ZNF25: variants seen among roughly 807,000 people sequenced by gnomAD.
The protein encoded by ZNF25 is zinc finger protein 25 (KOX 19).
In ZNF25, 21 loss-of-function variants were observed where a neutral mutation model predicts 30.9. The observed-to-expected ratio is 0.68, with a 90% CI of 0.48 to 0.98. ZNF25 has a LOEUF of 0.98. ZNF25 is among the 50% of genes least tolerant of loss of function. ZNF25 has a pLI of 0.00. For missense variants in ZNF25, 501 were observed against 529.9 expected (o/e 0.95, Z 0.54); for synonymous variants, 169 against 181.3 (o/e 0.93, Z 0.55).
Position 37,951,972 on chromosome 10 carries a change from C to A in ZNF25, c.*155G>T. On this transcript the variant is annotated 3_prime_UTR_variant, in exon 6 of 6. Coordinates refer to ENST00000302609, the MANE Select transcript of ZNF25 (RefSeq NM_145011.4). ...TAAAATTTTCTCCCAAATAAATGTA[C>A]AGAATCTCTCTATGTATTTGCTGAT... 1 of 569,704 alleles carries A rather than the reference C, an allele frequency of 1.8e-6. No individual in the cohort carries two copies. The allele number at this position is 569,704 out of a possible 1,614,324, so 35.3% of individuals were successfully genotyped here.
Position 37,952,554 on chromosome 10 carries a change from T to C in ZNF25, c.944A>G (p.Glu315Gly), listed in dbSNP as rs1250764732. ...GAAGCATTTCCTACATTCCTTACATTCATAGGGTTTCTCTCCTGTGTGACT... is the reference window on the plus strand; with the variant it reads ...GAAGCATTTCCTACATTCCTTACATCCATAGGGTTTCTCTCCTGTGTGACT... Reference protein sequence around the residue: ...QRSHTGEKPYECKECRKCFYQ... With the variant: ...QRSHTGEKPYGCKECRKCFYQ... The change falls in exon 6 of 6, where the codon GAA becomes GGA. Residue 315 changes from glutamate to glycine, a missense_variant. By Grantham distance (98) the Glu-to-Gly change is moderately conservative (BLOSUM62 -2). Coordinates refer to ENST00000302609, the MANE Select transcript of ZNF25 (RefSeq NM_145011.4). 6.2e-7 allele frequency: 1 copy of C among 1,613,594 alleles called. No homozygotes were observed. Among genetic ancestry groups the C allele is most frequent in the Admixed American group, 1.7e-5 (1 of 59,944 alleles).
At chr10:37,973,385 G>A (rs1203286315) in intron 1 of ZNF25, among the ~76,000 whole-genome samples, 3 of 151,956 alleles carry the variant, frequency 2.0e-5, no homozygotes, top group African/African-American at 7.3e-5. Context: ...GGAGGTGTAG[G>A]CAGGTGGATC....
intron 4 of ZNF25, among the ~76,000 whole-genome samples, chr10:37,955,365 G>A (rs1195550726): frequency 6.6e-6 from 1 of 152,166 alleles, no homozygotes; most frequent in Non-Finnish European, 1.5e-5. Context: ...TACTGAGTCA[G>A]TATTAAGTAT....
intron 2 of ZNF25, 148 bp downstream of exon 2, chr10:37,971,560 C>T: frequency 7.4e-7 from 1 of 1,347,174 alleles, no homozygotes. Context: ...GGTATTTTGC[C>T]TGTAGGTGAT....
At chr10:37,956,572 C>T (rs960934955) in intron 4 of ZNF25, among the ~76,000 whole-genome samples, 1 of 152,030 alleles carries the variant, frequency 6.6e-6, no homozygotes, top group South Asian at 2.1e-4. Flanking sequence ...TTTTTTTACA[C>T]GTGCAAATAA....
At chr10:37,972,585 C>A (rs1266777836) in intron 1 of ZNF25, among the ~76,000 whole-genome samples, 1 of 152,176 alleles carries the variant, frequency 6.6e-6, no homozygotes, top group African/African-American at 2.4e-5. Context: ...AGAATCTAAT[C>A]TGCTGACAGT....
rs576339305 is a variant in ZNF25, at chr10:37,960,538, G to A, written c.16-2992C>T. On this transcript the variant is annotated intron_variant, in intron 2 of 5. Transcript: ENST00000302609. ...ACTCGGGAGGCTGAGGCAGGAGAAT[G>A]ACGTGAACCCAGGAGGTGGAGGTTG... Among the ~76,000 whole-genome samples, 10 of 146,814 alleles carry A rather than the reference G, an allele frequency of 6.8e-5. No homozygotes were observed. The South Asian group carries it at 2.2e-3, about 32-fold the overall frequency.
chr10:37,970,338 C>CG (rs2063418531), intron 2 of ZNF25, among the ~76,000 whole-genome samples: 1 of 152,090 alleles, frequency 6.6e-6, no homozygotes, highest in Non-Finnish European at 1.5e-5. Flanking sequence ...TCAATCAGTG[C>CG]AGTTCACTAT....
chr10:37,953,562 T>C (rs2062315755), intron 5 of ZNF25, 133 bp downstream of exon 5: 1 of 811,718 alleles, frequency 1.2e-6, no homozygotes, highest in Middle Eastern at 2.4e-4. Context: ...ATTTGGATTA[T>C]ATTCCTTGGG....
chr10:37,957,920 T>C (rs777148713), intron 2 of ZNF25, among the ~76,000 whole-genome samples: 1 of 152,250 alleles, frequency 6.6e-6, no homozygotes, highest in Non-Finnish European at 1.5e-5. Context: ...GTGTTACAAG[T>C]TGCCTACAGT....
Position 37,976,646 on chromosome 10 carries a change from A to T in ZNF25, c.-226T>A, listed in dbSNP as rs2063845678. On this transcript the variant is annotated 5_prime_UTR_variant, in exon 1 of 6. Coordinates refer to ENST00000302609, the MANE Select transcript of ZNF25 (RefSeq NM_145011.4). ...AAAAAACGCCAATGCCAGAAAGAAG[A>T]CACTGCACATGCGCAGAACGTTTCC... 1 of 152,418 alleles carries T rather than the reference A, an allele frequency of 6.6e-6. No homozygotes were observed. The highest frequency in any genetic ancestry group is 6.5e-5 in the Admixed American group (1 of 15,274). 9.4% of individuals were successfully genotyped at this position (152,418 alleles called of 1,614,324 possible). A position where few individuals can be genotyped will look rare whatever the true frequency, so the allele number is the denominator to read the frequency against.
chr10:37,957,156 G>A (rs1164063431), intron 3 of ZNF25, 41 bp from the exon 4 acceptor site: 1 of 1,563,164 alleles, frequency 6.4e-7, no homozygotes, highest in South Asian at 1.1e-5. Flanking sequence ...CAAATTGCTT[G>A]GAATTTAGGG....
rs1184798743 is a variant in ZNF25 at position 37,950,298 on chromosome 10, A to G, written c.*1829T>C. 1 of 152,514 alleles carries G rather than the reference A, an allele frequency of 6.6e-6. No homozygotes were observed. The highest frequency in any genetic ancestry group is 1.5e-5 in the Non-Finnish European group (1 of 68,040). 9.4% of individuals were successfully genotyped at this position (152,514 alleles called of 1,614,324 possible). On this transcript the variant is annotated 3_prime_UTR_variant, in exon 6 of 6. Coordinates refer to ENST00000302609, the MANE Select transcript of ZNF25 (RefSeq NM_145011.4). ...TGTTTTCAAAACTTTATTTATGGACACTGAAATTTGAATATCATATAATTT... is the reference window on the plus strand; with the variant it reads ...TGTTTTCAAAACTTTATTTATGGACGCTGAAATTTGAATATCATATAATTT...
At chr10:37,956,220 G>C (rs1025128454) in intron 4 of ZNF25, among the ~76,000 whole-genome samples, 14 of 152,176 alleles carry the variant, frequency 9.2e-5, no homozygotes, top group African/African-American at 3.1e-4. Context: ...ACTCCAAAAT[G>C]AAAGAATTGA....
intron 4 of ZNF25, 74 bp downstream of exon 4, chr10:37,956,946 C>T: frequency 1.0e-6 from 1 of 999,186 alleles, no homozygotes. Flanking sequence ...TGAGAGATTG[C>T]CGAAAAGTAC....
At chr10:37,964,184 T>C (rs977830880) in intron 2 of ZNF25, among the ~76,000 whole-genome samples, 2 of 152,128 alleles carry the variant, frequency 1.3e-5, no homozygotes, top group South Asian at 2.1e-4. Context: ...ACCTCTTTTC[T>C]TTATAAATGA....
At chr10:37,959,862 G>C (rs907395068) in intron 2 of ZNF25, among the ~76,000 whole-genome samples, 3 of 151,740 alleles carry the variant, frequency 2.0e-5, no homozygotes, top group Non-Finnish European at 4.4e-5. Flanking sequence ...TGCCCACCTT[G>C]GCCTCCCAAA....
chr10:37,958,618 A>T (rs1792473872), intron 2 of ZNF25, among the ~76,000 whole-genome samples: 1 of 152,194 alleles, frequency 6.6e-6, no homozygotes, highest in Admixed American at 6.5e-5. Context: ...GCATGTATTA[A>T]TGTTTATTAA....
chr10:37,967,740 T>C (rs1388568755), intron 2 of ZNF25, among the ~76,000 whole-genome samples: 1 of 152,084 alleles, frequency 6.6e-6, no homozygotes, highest in African/African-American at 2.4e-5. Context: ...GTCAAGACCA[T>C]TCAGTGGGAA....
Sources: allele counts gnomAD v4.1 joint callset (sites outside exome capture counted in the v4.1 genomes callset), GRCh38; gene constraint gnomAD v4.1.1; transcripts MANE v1.5; gene names NCBI Gene and HGNC (gene_info 2026-07-23, HGNC 2026-07-21).